L3MBTL4: variants seen among roughly 807,000 people sequenced by gnomAD.
The protein encoded by L3MBTL4 is L3MBTL histone methyl-lysine binding protein 4.
Under a neutral mutation model 84.5 loss-of-function variants are expected in L3MBTL4, and 70 were observed. The ratio of observed to expected loss-of-function variants is 0.83; its 90% CI spans 0.68 to 1.01. The LOEUF (loss-of-function observed/expected upper bound fraction) is 1.01, where lower values mean the gene tolerates loss of function less well. Among genes scored for constraint, L3MBTL4 ranks in the 50% least tolerant of loss-of-function variants. The probability of loss-of-function intolerance (pLI) is 0.00; values close to 1 mark genes in which losing one functional copy is unlikely to be tolerated. For synonymous variants in L3MBTL4, 274 were observed against 259.8 expected, an observed-to-expected ratio of 1.05 and a Z score of -0.52; for missense variants, 715 against 754.8, an observed-to-expected ratio of 0.95 and a Z score of 0.62.
chr18:6,075,849 A>G (rs573200962), intron 16 of L3MBTL4, among the ~76,000 whole-genome samples: 1 of 152,196 alleles, frequency 6.6e-6, no homozygotes, highest in Non-Finnish European at 1.5e-5. Context: ...AAGATACTTC[A>G]TAAAAGAAGA....
rs959084430 is a variant in L3MBTL4 at position 6,121,839 on chromosome 18, T to A, written c.1199+16355A>T. ...AGTGAGAAAACTGTTCTTAACAGTCTCCTTAACAACTGATTATCCAGATGT... is the reference window on the plus strand; with the variant it reads ...AGTGAGAAAACTGTTCTTAACAGTCACCTTAACAACTGATTATCCAGATGT... On this transcript the variant is annotated intron_variant, in intron 14 of 18. Coordinates refer to ENST00000317931, the MANE Select transcript of L3MBTL4 (RefSeq NM_001330559.2). Among the ~76,000 whole-genome samples, 39 of 152,248 alleles carry A rather than the reference T, an allele frequency of 2.6e-4. No individual in the cohort carries two copies. The East Asian group carries it at 7.3e-3, about 29-fold the overall frequency.
intron 12 of L3MBTL4, among the ~76,000 whole-genome samples, chr18:6,185,023 C>T (rs1472875022): frequency 6.6e-6 from 1 of 152,160 alleles, no homozygotes; most frequent in Non-Finnish European, 1.5e-5. Flanking sequence ...GGAAAAGAAG[C>T]AGGGTTTTGA....
Position 6,311,580 on chromosome 18 carries a change from C to T in L3MBTL4, c.46G>A (p.Glu16Lys). The T allele has an allele frequency of 6.2e-7, 1 of 1,613,556 alleles. No homozygotes were observed. Among genetic ancestry groups the T allele is most frequent in the South Asian group, 1.1e-5 (1 of 91,056 alleles). ...AAGCGTCCGTCCTGATCCAAACGCT[C>T]TTTGGAATCCATATTAAGCTTCCTT... Reference protein sequence around the residue: ...RKRKLNMDSKERLDQDGRLEQ... With the variant: ...RKRKLNMDSKKRLDQDGRLEQ... The change falls in exon 3 of 19, where the codon GAG (glutamate) becomes AAG (lysine). Residue 16 changes from glutamate (E) to lysine (K), a missense_variant. Physicochemically the swap from Glu to Lys is moderately conservative, Grantham distance 56. Coordinates refer to ENST00000317931, the MANE Select transcript of L3MBTL4 (RefSeq NM_001330559.2).
intron 4 of L3MBTL4, among the ~76,000 whole-genome samples, chr18:6,295,003 G>A (rs1043098800): frequency 1.5e-4 from 23 of 152,112 alleles, no homozygotes; most frequent in African/African-American, 5.1e-4. Context: ...GCCAGGCACG[G>A]TGGTTCACGC....
intron 14 of L3MBTL4, among the ~76,000 whole-genome samples, chr18:6,126,499 G>C (rs1329789442): frequency 6.6e-6 from 1 of 152,002 alleles, no homozygotes; most frequent in African/African-American, 2.4e-5. Flanking sequence ...CTACAACCTT[G>C]GCAATTTATG....
In L3MBTL4 at chr18:6,030,955, T is replaced by G. The variant is rs569634970; in HGVS notation, c.1444+49926A>C. ...AAGTTTATTGTTATGAAATACTCAA[T>G]GAACGAACAAACAAATTAATTCTAC... On this transcript the variant is annotated intron_variant, in intron 16 of 18. Transcript: ENST00000317931. 123 of 985,026 alleles carry G rather than the reference T, an allele frequency of 1.2e-4. 1 individual carries two copies. The South Asian group carries it at 4.2e-3, about 34-fold the overall frequency. 61.0% of individuals were successfully genotyped at this position (985,026 alleles called of 1,614,324 possible). A position where few individuals can be genotyped will look rare whatever the true frequency, so the allele number is the denominator to read the frequency against.
intron 1 of L3MBTL4, among the ~76,000 whole-genome samples, chr18:6,358,260 T>C (rs1364320953): frequency 6.6e-6 from 1 of 152,190 alleles, no homozygotes; most frequent in Non-Finnish European, 1.5e-5. Flanking sequence ...AAAAAGCTTT[T>C]TTGGAAGATG....
At chr18:6,338,137 G>A (rs894086862) in intron 1 of L3MBTL4, among the ~76,000 whole-genome samples, 21 of 151,716 alleles carry the variant, frequency 1.4e-4, no homozygotes, top group African/African-American at 4.1e-4. Context: ...ATCCACTGAC[G>A]ACAGAACCAT....
At chr18:6,068,003 T>C (rs1441516935) in intron 16 of L3MBTL4, among the ~76,000 whole-genome samples, 1 of 152,210 alleles carries the variant, frequency 6.6e-6, no homozygotes, top group Non-Finnish European at 1.5e-5. Context: ...GGATCTGACT[T>C]TAATGTTTAT....
At chr18:6,277,416 G>A (rs1216334150) in intron 4 of L3MBTL4, among the ~76,000 whole-genome samples, 1 of 152,158 alleles carries the variant, frequency 6.6e-6, no homozygotes, top group Non-Finnish European at 1.5e-5. Context: ...CTCCTGAGCT[G>A]ATTTACCATC....
intron 16 of L3MBTL4, among the ~76,000 whole-genome samples, chr18:5,974,785 T>G (rs1429788503): frequency 6.6e-6 from 1 of 152,094 alleles, no homozygotes; most frequent in Non-Finnish European, 1.5e-5. Context: ...GACAACACGG[T>G]GAGACCCTGT....
rs554818564 is a variant in L3MBTL4 at position 6,236,754 on chromosome 18, G to C, written c.784+1210C>G. 2.0e-5 allele frequency among the ~76,000 whole-genome samples: 3 copies of C among 152,208 alleles called. No homozygotes were observed. In the East Asian group the frequency reaches 5.8e-4, roughly 29 times the overall value. On this transcript the variant is annotated intron_variant, in intron 10 of 18. Transcript: ENST00000317931. ...GTTAAATATTTCATAAACCTTTCTA[G>C]ACCAAACAGGCATTTTTGAATAATT...
At chr18:6,130,419 TATATTAG>T (rs2059838225) in intron 14 of L3MBTL4, among the ~76,000 whole-genome samples, 1 of 152,106 alleles carries the variant, frequency 6.6e-6, no homozygotes, top group African/African-American at 2.4e-5. Context: ...CACCCAAAAA[TATATTAG>T]ATTTATCTGA....
intron 14 of L3MBTL4, among the ~76,000 whole-genome samples, chr18:6,124,169 G>C (rs1439076058): frequency 1.3e-5 from 2 of 152,248 alleles, no homozygotes; most frequent in Non-Finnish European, 2.9e-5. Context: ...CAGAGGGACA[G>C]GACGAAGAAT....
intron 13 of L3MBTL4, among the ~76,000 whole-genome samples, chr18:6,144,264 C>T (rs1233676979): frequency 1.3e-5 from 2 of 149,608 alleles, no homozygotes; most frequent in African/African-American, 2.5e-5. Flanking sequence ...TATCACAATG[C>T]TGTGAGATCA....
intron 1 of L3MBTL4, among the ~76,000 whole-genome samples, chr18:6,388,751 A>C (rs574645284): frequency 6.6e-5 from 10 of 152,326 alleles, no homozygotes; most frequent in Admixed American, 6.5e-4. Context: ...ATCAGCTCAG[A>C]GGTGGAACTG....
chr18:6,152,688 A>G (rs1277530363), intron 13 of L3MBTL4, among the ~76,000 whole-genome samples: 1 of 152,136 alleles, frequency 6.6e-6, no homozygotes, highest in Admixed American at 6.6e-5. Context: ...ATTTTCTCCC[A>G]TTCCATAGGT....
At chr18:6,025,282 T>C (rs1029444728) in intron 16 of L3MBTL4, 10 of 152,160 alleles carry the variant, frequency 6.6e-5, no homozygotes, top group African/African-American at 1.9e-4. Context: ...CACTATCTTT[T>C]TGGTTAAGAA....
rs1568066188 is a variant in L3MBTL4, at chr18:6,071,729, GA to G, written c.1444+9151del. On this transcript the variant is annotated intron_variant, in intron 16 of 18. Transcript: ENST00000317931. ...AGAAAGAAAGAAGGAAAGAAAGAAG[GA>G]AAGAAAGAAGGAAGGAAAGAAAGAA... 8.5e-3 allele frequency among the ~76,000 whole-genome samples: 696 copies of G among 81,698 alleles called. 8 individuals carry two copies. Among genetic ancestry groups the G allele is most frequent in the African/African-American group, 0.025 (645 of 25,876 alleles). 53.6% of individuals were successfully genotyped at this position (81,698 alleles called of 152,430 possible).
Sources: gnomAD v4.1 joint callset for allele counts (sites outside exome capture counted in the v4.1 genomes callset) on GRCh38, gnomAD v4.1.1 for gene constraint, MANE v1.5 for transcripts, NCBI Gene and HGNC (gene_info 2026-07-23, HGNC 2026-07-21) for gene names.